LZTFL1: variants seen among roughly 807,000 people sequenced by gnomAD.
LZTFL1 encodes leucine zipper transcription factor-like protein 1.
Under a neutral mutation model 45.9 loss-of-function variants are expected in LZTFL1, and 25 were observed. That is an observed-to-expected ratio of 0.54 (90% CI 0.40 to 0.76). The LOEUF is 0.76. Among genes scored for constraint, LZTFL1 ranks in the 30% least tolerant of loss-of-function variants. The probability of loss-of-function intolerance (pLI) is 0.00; values close to 1 mark genes in which losing one functional copy is unlikely to be tolerated. For missense variants in LZTFL1, 277 were observed against 331.1 expected (o/e 0.84, Z 1.27); for synonymous variants, 93 against 117.4 (o/e 0.79, Z 1.35).
chr3:45,830,975 C>T lies in LZTFL1; in HGVS notation c.538G>A (p.Asp180Asn). ...TIEIQATNAL[D>N]EKSKLEKALQ... Reference sequence around the variant, plus strand: ...GCTTTTTCTAGTTTTGACTTTTCATCCAGTGCATTTGTAGCCTATAGTGAA... The same window carrying T: ...GCTTTTTCTAGTTTTGACTTTTCATTCAGTGCATTTGTAGCCTATAGTGAA... Residue 180 changes from aspartate to asparagine, a missense_variant, in exon 7 of 10, where the codon GAT (aspartate) becomes AAT (asparagine). Physicochemically the swap from Asp to Asn is conservative, Grantham distance 23. Coordinates refer to ENST00000296135, the MANE Select transcript of LZTFL1 (RefSeq NM_020347.4). 6.2e-7 allele frequency: 1 copy of T among 1,613,950 alleles called. No homozygotes were observed. Among genetic ancestry groups the T allele is most frequent in the South Asian group, 1.1e-5 (1 of 91,072 alleles).
At chr3:45,859,998 A>C (rs1701459228) in intron 2 of LZTFL1, among the ~76,000 whole-genome samples, 1 of 152,202 alleles carries the variant, frequency 6.6e-6, no homozygotes, top group South Asian at 2.1e-4. Context: ...TAATCATAGA[A>C]TGCAACTCTA....
chr3:45,882,837 CA>C (rs1701886531), intron 2 of LZTFL1, among the ~76,000 whole-genome samples: 1 of 143,582 alleles, frequency 7.0e-6, no homozygotes, highest in African/African-American at 2.5e-5. Context: ...TTATTATTAA[CA>C]TTTTTTTAAA....
chr3:45,883,921 G>A (rs1045044143), intron 2 of LZTFL1: 4 of 448,092 alleles, frequency 8.9e-6, no homozygotes, highest in Non-Finnish European at 1.3e-5. Flanking sequence ...TAGTCCAGTG[G>A]ACAGATGCAG....
Position 45,824,934 on chromosome 3 carries a change from C to T in LZTFL1, c.*1380G>A, listed in dbSNP as rs1700626703. ...TGCTGGCTCGTTATTGCATTTTATT[C>T]TCTCCCTTCTCTCATCCATTCATCT... On this transcript the variant is annotated 3_prime_UTR_variant, in exon 10 of 10. Transcript: ENST00000296135. 5.0e-6 allele frequency: 2 copies of T among 398,362 alleles called. No homozygotes were observed. The highest frequency in any genetic ancestry group is 8.8e-5 in the Admixed American group (2 of 22,728). The allele number at this position is 398,362 out of a possible 1,614,324, so 24.7% of individuals were successfully genotyped here.
At chr3:45,899,144 A>C (rs1985463) in intron 2 of LZTFL1, among the ~76,000 whole-genome samples, 56,279 of 152,206 alleles carry the variant, frequency 0.37, 12,011 homozygotes, top group African/African-American at 0.58. Flanking sequence ...CCAGCCTGGG[A>C]AGCAAGAGCA....
chr3:45,901,489 A>G lies in LZTFL1; in HGVS notation c.-215+11631T>C, dbSNP rs753520925. On this transcript the variant is annotated intron_variant, in intron 2 of 4. Coordinates refer to the LZTFL1 transcript ENST00000472635. The surrounding 1 kb of genome is among the most constrained non-coding windows in gnomAD (Gnocchi z 4.3). ...CCCTTCGTGGTCATGGCTTGCTGCT[A>G]TACCATCATCATTCACACCCTGATA... is the stretch of plus-strand genomic sequence containing the variant. 6 of 1,614,132 alleles carry G rather than the reference A, an allele frequency of 3.7e-6. No individual in the cohort carries two copies. Among genetic ancestry groups the G allele is most frequent in the Admixed American group, 1.7e-5 (1 of 60,022 alleles).
intron 2 of LZTFL1, among the ~76,000 whole-genome samples, chr3:45,898,050 G>A (rs1458728443): frequency 1.3e-5 from 2 of 149,872 alleles, no homozygotes; most frequent in African/African-American, 4.9e-5. Context: ...TCAAAAGCAA[G>A]TTTAGCACTT....
chr3:45,842,151 G>A, upstream of LZTFL1: 1 of 1,500,122 alleles, frequency 6.7e-7, no homozygotes. Flanking sequence ...CACGTGGACT[G>A]CAATTATGCA....
At chr3:45,880,086 C>T (rs1252295266) in intron 2 of LZTFL1, among the ~76,000 whole-genome samples, 2 of 152,174 alleles carry the variant, frequency 1.3e-5, no homozygotes, top group African/African-American at 4.8e-5. Flanking sequence ...GTGGATCCTG[C>T]GGTGGCCTAG....
intron 2 of LZTFL1, among the ~76,000 whole-genome samples, chr3:45,837,173 C>T (rs1700987677): frequency 6.6e-6 from 1 of 152,184 alleles, no homozygotes; most frequent in South Asian, 2.1e-4. Flanking sequence ...AAAACCACAA[C>T]TTTTTAAATA....
At chr3:45,863,088 AATGAT>A (rs1323412213) in intron 2 of LZTFL1, among the ~76,000 whole-genome samples, 1 of 152,246 alleles carries the variant, frequency 6.6e-6, no homozygotes. Flanking sequence ...ATGAGTCCAT[AATGAT>A]ACTCAAAAAG....
intron 2 of LZTFL1, chr3:45,894,897 C>T (rs776815642): frequency 1.2e-6 from 2 of 1,612,148 alleles, no homozygotes; most frequent in South Asian, 2.2e-5. Flanking sequence ...ATTTTTGTCC[C>T]TTTTCCAGGA....
intron 2 of LZTFL1, among the ~76,000 whole-genome samples, chr3:45,896,460 T>G (rs1386056170): frequency 6.6e-6 from 1 of 152,230 alleles, no homozygotes; most frequent in African/African-American, 2.4e-5. Flanking sequence ...TCTGAGGATG[T>G]GCTGGGCCAG....
At chr3:45,914,434 C>G (rs992431413) in intron 1 of LZTFL1, among the ~76,000 whole-genome samples, 2 of 152,076 alleles carry the variant, frequency 1.3e-5, no homozygotes, top group Non-Finnish European at 2.9e-5. Context: ...AGGCGCCTGG[C>G]TAATATTTGA....
chr3:45,888,309 G>A (rs886999837), intron 2 of LZTFL1, among the ~76,000 whole-genome samples: 4 of 152,042 alleles, frequency 2.6e-5, no homozygotes, highest in Admixed American at 2.0e-4. Context: ...TCAAGGACCC[G>A]CAAAAATGTC....
intron 2 of LZTFL1, chr3:45,897,418 C>T (rs1702391528): frequency 3.0e-6 from 2 of 661,210 alleles, no homozygotes; most frequent in East Asian, 2.8e-5. Context: ...ACTATGCCCC[C>T]TGGGCTTCCA....
rs1200061830 is a variant in LZTFL1, at chr3:45,894,944, C to T, written c.-215+18176G>A. On this transcript the variant is annotated intron_variant, in intron 2 of 4. Coordinates refer to the LZTFL1 transcript ENST00000472635. ...TCTGACTGACCCACCATGACACCCA[C>T]AGACTTCACAGTGAGTACAGCCGTG... The T allele has an allele frequency of 3.1e-6, 5 of 1,613,958 alleles. No individual in the cohort carries two copies. In the South Asian group the frequency reaches 5.5e-5, roughly 18 times the overall value.
chr3:45,912,740 T>C (rs1382002472), intron 2 of LZTFL1, among the ~76,000 whole-genome samples: 1 of 152,136 alleles, frequency 6.6e-6, no homozygotes, highest in Non-Finnish European at 1.5e-5. Flanking sequence ...ACAGCCTCAA[T>C]GCGTAGCTGA....
At chr3:45,894,766 A>G (rs952565715) in intron 2 of LZTFL1, 9 of 668,238 alleles carry the variant, frequency 1.3e-5, no homozygotes, top group Non-Finnish European at 2.7e-6. Flanking sequence ...CTAGAATACT[A>G]TATAGACTCT....
Sources: gnomAD v4.1 joint callset for allele counts (sites outside exome capture counted in the v4.1 genomes callset) on GRCh38, gnomAD v4.1.1 for gene constraint, Gnocchi (gnomAD v3.1) non-coding constraint, MANE v1.5 for transcripts, NCBI Gene and HGNC (gene_info 2026-07-23, HGNC 2026-07-21) for gene names.